TRIM5: variants seen among roughly 807,000 people sequenced by gnomAD.
The protein encoded by TRIM5 is tripartite motif-containing protein 5.
TRIM5 carries 31 observed loss-of-function variants against 35.6 expected under a neutral mutation model. The observed-to-expected ratio is 0.87, with a 90% CI of 0.65 to 1.18. The LOEUF is 1.18. Ranked by LOEUF, TRIM5 falls within the 50% of genes most tolerant of loss-of-function variation. The pLI is 0.00. For synonymous variants in TRIM5, 243 were observed against 215.6 expected (o/e 1.13, Z -1.11); for missense variants, 609 against 591.6 (o/e 1.03, Z -0.31).
chr11:5,610,000 G>A, the TRIM5 span: 7 of 743,994 alleles, frequency 9.4e-6, no homozygotes, highest in African/African-American at 1.2e-4. Flanking sequence ...TCTGGCTCCA[G>A]TGCCAGGGCT....
At chr11:5,639,230 A>C in the TRIM5 span, among the ~76,000 whole-genome samples, 1 of 152,178 alleles carries the variant, frequency 6.6e-6, no homozygotes, top group African/African-American at 2.4e-5. Context: ...TAACTTACGC[A>C]TTCATCAAAA....
intron 6 of TRIM5, 22 bp downstream of exon 6, chr11:5,665,959 T>G: frequency 2.5e-6 from 4 of 1,592,740 alleles, no homozygotes; most frequent in Non-Finnish European, 3.4e-6. Flanking sequence ...CATAACCCTG[T>G]TGTTGATCTA....
the TRIM5 span, among the ~76,000 whole-genome samples, chr11:5,602,555 A>G: frequency 6.6e-6 from 1 of 151,948 alleles, no homozygotes; most frequent in African/African-American, 2.4e-5. Flanking sequence ...TGCAGATAGC[A>G]GAGTAAAGGG....
chr11:5,678,666 G>A (rs933382067), intron 3 of TRIM5, among the ~76,000 whole-genome samples: 2 of 152,160 alleles, frequency 1.3e-5, no homozygotes, highest in South Asian at 2.1e-4. Flanking sequence ...TTACCTGGAT[G>A]TAGCTTACCT....
At chr11:5,660,689 AT>A (rs1850784185), downstream of TRIM5, among the ~76,000 whole-genome samples, 1 of 152,144 alleles carries the variant, frequency 6.6e-6, no homozygotes, top group Admixed American at 6.5e-5. Flanking sequence ...GCACTGCCAC[AT>A]AATTCAGAAA....
chr11:5,683,781 A>G (rs954930592), intron 1 of TRIM5, among the ~76,000 whole-genome samples: 3 of 152,116 alleles, frequency 2.0e-5, no homozygotes, highest in Non-Finnish European at 4.4e-5. Context: ...AAAACAGACC[A>G]CTCGGCTCTC....
intron 4 of TRIM5, among the ~76,000 whole-genome samples, chr11:5,674,488 G>C (rs1417244419): frequency 6.6e-6 from 1 of 152,238 alleles, no homozygotes; most frequent in African/African-American, 2.4e-5. Flanking sequence ...TCCACAAGGA[G>C]AAAGAGGGGA....
the TRIM5 span, among the ~76,000 whole-genome samples, chr11:5,657,602 ATATATT>A: frequency 1.1e-5 from 1 of 89,662 alleles, no homozygotes; most frequent in African/African-American, 5.8e-5. Flanking sequence ...TATATATAAT[ATATATT>A]TATATATTAT....
the TRIM5 span, chr11:5,634,827 G>A: frequency 1.5e-5 from 24 of 1,613,340 alleles, no homozygotes; most frequent in African/African-American, 2.7e-4. Flanking sequence ...GATGTGGAGT[G>A]TCGGAGTCAG....
At chr11:5,600,222 C>T in the TRIM5 span, among the ~76,000 whole-genome samples, 2 of 152,128 alleles carry the variant, frequency 1.3e-5, no homozygotes, top group Non-Finnish European at 2.9e-5. Context: ...ACACCGGCCC[C>T]GCCACTTGAA....
chr11:5,640,072 T>A, the TRIM5 span, among the ~76,000 whole-genome samples: 1 of 152,230 alleles, frequency 6.6e-6, no homozygotes, highest in Non-Finnish European at 1.5e-5. Context: ...ATACTAAATC[T>A]TATTCATTCT....
At chr11:5,610,390 C>A in the TRIM5 span, 2 of 1,565,256 alleles carry the variant, frequency 1.3e-6, no homozygotes, top group Non-Finnish European at 1.7e-6. Context: ...GAAGAAGATG[C>A]GGTTTGTATT....
chr11:5,602,565 G>T, the TRIM5 span, among the ~76,000 whole-genome samples: 1 of 151,856 alleles, frequency 6.6e-6, no homozygotes, highest in South Asian at 2.1e-4. Context: ...AGAGTAAAGG[G>T]TCATCTTTAC....
chr11:5,623,536 T>TTG, the TRIM5 span, among the ~76,000 whole-genome samples: 1 of 126,058 alleles, frequency 7.9e-6, no homozygotes, highest in Non-Finnish European at 1.7e-5. Context: ...CCCGGCTAAT[T>TTG]TTTTTTTTTT....
chr11:5,598,040 T>A, the TRIM5 span, among the ~76,000 whole-genome samples: 2 of 152,230 alleles, frequency 1.3e-5, no homozygotes, highest in Non-Finnish European at 2.9e-5. Context: ...TGGTTCTGAT[T>A]TAATTGGTCC....
At chr11:5,668,117 A>C (rs1686147489) in intron 4 of TRIM5, among the ~76,000 whole-genome samples, 1 of 151,926 alleles carries the variant, frequency 6.6e-6, no homozygotes, top group African/African-American at 2.4e-5. Flanking sequence ...AAATAAAATA[A>C]AAAAAAATTA....
intron 1 of TRIM5, among the ~76,000 whole-genome samples, chr11:5,683,175 T>C (rs1166011606): frequency 6.6e-6 from 1 of 152,198 alleles, no homozygotes; most frequent in African/African-American, 2.4e-5. Flanking sequence ...CCACCATGCC[T>C]GAGCCTCCCC....
chr11:5,660,666 G>C (rs1218177655), downstream of TRIM5, among the ~76,000 whole-genome samples: 1 of 151,892 alleles, frequency 6.6e-6, no homozygotes. Context: ...TTTCAGTGTG[G>C]TTGTAATGTT....
At chr11:5,596,543 T>TCCCCCTTCCCTCTTCCCCTC in the TRIM5 span, 1 of 24,650 alleles carries the variant, frequency 4.1e-5, no homozygotes, top group African/African-American at 1.7e-4. Context: ...CCTTCCCCCT[T>TCCCCCTTCCCTCTTCCCCTC]CCCCCTTCCC....
Sources: gnomAD v4.1 joint callset for allele counts (sites outside exome capture counted in the v4.1 genomes callset) on GRCh38, gnomAD v4.1.1 for gene constraint, MANE v1.5 for transcripts, NCBI Gene and HGNC (gene_info 2026-07-23, HGNC 2026-07-21) for gene names.